MCFD2: variants seen among roughly 807,000 people sequenced by gnomAD.
The protein encoded by MCFD2 is multiple coagulation factor deficiency 2, ER cargo receptor complex subunit, also known as multiple coagulation factor deficiency protein 2.
Under a neutral mutation model 12.8 loss-of-function variants are expected in MCFD2, and 11 were observed. The ratio of observed to expected loss-of-function variants is 0.86; its 90% CI spans 0.54 to 1.42. MCFD2 has a LOEUF of 1.42. Ranked by LOEUF, MCFD2 falls within the 40% of genes most tolerant of loss-of-function variation. MCFD2 has a pLI of 0.00. For missense variants in MCFD2, 191 were observed against 178.6 expected, an observed-to-expected ratio of 1.07 and a Z score of -0.40; for synonymous variants, 70 against 68.1, an observed-to-expected ratio of 1.03 and a Z score of -0.14.
Position 46,941,078 on chromosome 2 carries a change from G to T in MCFD2, c.-8+494C>A. 1 of 150,402 alleles carries T rather than the reference G, an allele frequency of 6.6e-6. No homozygotes were observed. The highest frequency in any genetic ancestry group is 1.8e-4 in the South Asian group (1 of 5,510). The allele number at this position is 150,402 out of a possible 1,614,324, so 9.3% of individuals were successfully genotyped here. ...GGGGGGCGGGTACCCGGGCGGCCGC[G>T]AGCGCCCTTCGCGCGCCTGGCTGCT... On this transcript the variant is annotated intron_variant, in intron 1 of 2. Transcript: ENST00000409147. The surrounding 1 kb of genome is among the most constrained non-coding windows in gnomAD (Gnocchi z 4.2).
rs1670228957 is a variant in MCFD2, at chr2:46,940,409, C to T, written c.-8+1163G>A. On this transcript the variant is annotated intron_variant, in intron 1 of 2. Coordinates refer to the MCFD2 transcript ENST00000409147. This position sits in a 1 kb window ranked among gnomAD's most constrained non-coding sequence, Gnocchi z 4.7. ...AGCTGCGGCGGCAGCGGGGCCGGGCCCCTGTAAGAGGTCTCCCCCCAAGGG... is the reference window on the plus strand; with the variant it reads ...AGCTGCGGCGGCAGCGGGGCCGGGCTCCTGTAAGAGGTCTCCCCCCAAGGG... 6.6e-6 allele frequency among the ~76,000 whole-genome samples: 1 copy of T among 152,104 alleles called. No homozygotes were observed. The highest frequency in any genetic ancestry group is 2.4e-5 in the African/African-American group (1 of 41,424).
In MCFD2 at chr2:46,903,727, A is replaced by T. The variant is rs1668103599; in HGVS notation, c.*1736T>A. 6.6e-6 allele frequency: 1 copy of T among 152,208 alleles called. No homozygotes were observed. Among genetic ancestry groups the T allele is most frequent in the African/African-American group, 2.4e-5 (1 of 41,442 alleles). The allele number at this position is 152,208 out of a possible 1,614,324, so 9.4% of individuals were successfully genotyped here. On this transcript the variant is annotated 3_prime_UTR_variant, in exon 4 of 4. Transcript: ENST00000319466. ...AGGTTAACTAGCGGAAGAAATTTCT[A>T]AGCAGCAAAGTGTTCAACAGGTGAC...
chr2:46,927,957 G>A (rs534139411), intron 1 of MCFD2, among the ~76,000 whole-genome samples: 10 of 135,828 alleles, frequency 7.4e-5, no homozygotes, highest in East Asian at 2.1e-4. Flanking sequence ...ATAGTGGCAC[G>A]GTCATGGCTC....
Position 46,908,755 on chromosome 2 carries a change from G to T in MCFD2, c.149+268C>A. On this transcript the variant is annotated intron_variant, in intron 2 of 3. Coordinates refer to ENST00000319466, the MANE Select transcript of MCFD2 (RefSeq NM_139279.6). The surrounding 1 kb of genome is among the most constrained non-coding windows in gnomAD (Gnocchi z 4.5). ...CCTGTGTGTCTATTTGTATGTGTGTGTGTCTGTCTGTGGTGAAAAAAAGGA... is the reference window on the plus strand; with the variant it reads ...CCTGTGTGTCTATTTGTATGTGTGTTTGTCTGTCTGTGGTGAAAAAAAGGA... The T allele has an allele frequency of 1.9e-6, 1 of 513,912 alleles. No homozygotes were observed. The highest frequency in any genetic ancestry group is 3.5e-6 in the Non-Finnish European group (1 of 282,712). The allele number at this position is 513,912 out of a possible 1,614,324, so 31.8% of individuals were successfully genotyped here.
At chr2:46,913,777 G>A (rs891893656) in intron 1 of MCFD2, 2 of 152,842 alleles carry the variant, frequency 1.3e-5, no homozygotes, top group East Asian at 1.9e-4. Flanking sequence ...GCGCCTCCCA[G>A]TGCCTTGGCT....
intron 1 of MCFD2, among the ~76,000 whole-genome samples, chr2:46,934,578 A>G (rs1669870517): frequency 6.6e-6 from 1 of 151,926 alleles, no homozygotes; most frequent in South Asian, 2.1e-4. Flanking sequence ...CCGGCCTGTG[A>G]CTTTTCAATA....
At chr2:46,906,071 T>C (rs1294258769) in intron 3 of MCFD2, 10 of 464,150 alleles carry the variant, frequency 2.2e-5, no homozygotes, top group East Asian at 7.0e-5. Flanking sequence ...GAACCTGTTA[T>C]GATCTTTGAG....
chr2:46,919,211 A>G (rs868140911), upstream of MCFD2, among the ~76,000 whole-genome samples: 5 of 152,372 alleles, frequency 3.3e-5, no homozygotes, highest in Admixed American at 1.3e-4. Context: ...GGAAAAATAA[A>G]TAGAAAAATA....
At chr2:46,921,976 CT>C (rs1164893272) in intron 1 of MCFD2, among the ~76,000 whole-genome samples, 1 of 152,156 alleles carries the variant, frequency 6.6e-6, no homozygotes, top group Non-Finnish European at 1.5e-5. Flanking sequence ...GTGAGGGCCC[CT>C]GTAAGAAATA....
chr2:46,929,928 CA>C (rs1302580420), intron 1 of MCFD2, among the ~76,000 whole-genome samples: 1 of 152,126 alleles, frequency 6.6e-6, no homozygotes, highest in Non-Finnish European at 1.5e-5. Context: ...TGATAATTGT[CA>C]ATGTTTTAGA....
At chr2:46,919,188 A>G (rs376693443), upstream of MCFD2, among the ~76,000 whole-genome samples, 137 of 152,362 alleles carry the variant, frequency 9.0e-4, no homozygotes, top group African/African-American at 3.1e-3. Context: ...TGTAAACTAC[A>G]TATTACTTAT....
intron 1 of MCFD2, among the ~76,000 whole-genome samples, chr2:46,927,334 A>C (rs1669438422): frequency 6.6e-6 from 1 of 151,822 alleles, no homozygotes; most frequent in African/African-American, 2.4e-5. Context: ...AAATAATATT[A>C]AAGATAGAGG....
In MCFD2 at chr2:46,922,503, G is replaced by A. The variant is rs117669745; in HGVS notation, c.-7-14534C>T. Among the ~76,000 whole-genome samples, 38 of 152,020 alleles carry A rather than the reference G, an allele frequency of 2.5e-4. No homozygotes were observed. In the East Asian group the frequency reaches 5.6e-3, roughly 22 times the overall value. Reference sequence around the variant, plus strand: ...TAGACTAAACTCCAGACCTGAGTGCGGGCAGAGTGTAATTATAAATGCTCA... The same window carrying A: ...TAGACTAAACTCCAGACCTGAGTGCAGGCAGAGTGTAATTATAAATGCTCA... On this transcript the variant is annotated intron_variant, in intron 1 of 2. Transcript: ENST00000409147.
intron 1 of MCFD2, 45 bp downstream of exon 1, chr2:46,915,678 G>T: frequency 2.6e-6 from 2 of 778,530 alleles, no homozygotes; most frequent in Non-Finnish European, 3.1e-6. Context: ...CACAGGAGAG[G>T]CGCCGGGATC....
At chr2:46,932,518 CT>C (rs1052936364) in intron 1 of MCFD2, among the ~76,000 whole-genome samples, 3 of 152,062 alleles carry the variant, frequency 2.0e-5, no homozygotes, top group Non-Finnish European at 4.4e-5. Flanking sequence ...CATCTATGCA[CT>C]TTCTTTTGTG....
At position 46,909,023 on chromosome 2, in the gene MCFD2, T is replaced by C. The variant is rs369431266; in HGVS notation, c.149A>G (p.Glu50Gly). 2.2e-5 allele frequency: 35 copies of C among 1,614,036 alleles called. No homozygotes were observed. In the African/African-American group the frequency reaches 2.3e-4, roughly 10 times the overall value. ...GLDKNTVHDQ[E>G]HIMEHLEGVI... ...ACCACAGCCCGGGCTGAATACGTAC[T>C]CTTGGTCGTGCACTGTGTTCTTATC... is the stretch of plus-strand genomic sequence containing the variant. Residue 50 changes from glutamate (E) to glycine (G), a missense_variant and splice_region_variant, in exon 2 of 4, where the codon GAG (glutamate) becomes GGG (glycine). Glu to Gly is a moderately conservative substitution (Grantham distance 98). Coordinates refer to ENST00000319466, the MANE Select transcript of MCFD2 (RefSeq NM_139279.6).
Position 46,907,938 on chromosome 2 carries a change from T to C in MCFD2, c.181A>G (p.Asn61Asp). The change falls in exon 3 of 4, where the codon AAC becomes GAC. Residue 61 changes from asparagine to aspartate, a missense_variant. Transcript: ENST00000319466. This position sits in a 1 kb window ranked among gnomAD's most constrained non-coding sequence, Gnocchi z 4.1. ...HIMEHLEGVI[N>D]KPEAEMSPQE... ...GGCGACATCTCCGCCTCTGGTTTGT[T>C]GATGACACCTTCTAGATGCTCCATG... The C allele has an allele frequency of 6.2e-7, 1 of 1,614,218 alleles. No individual in the cohort carries two copies. The highest frequency in any genetic ancestry group is 8.5e-7 in the Non-Finnish European group (1 of 1,180,044).
In MCFD2 at chr2:46,908,720, T is replaced by G; in HGVS notation, c.149+303A>C. On this transcript the variant is annotated intron_variant, in intron 2 of 3. Coordinates refer to ENST00000319466, the MANE Select transcript of MCFD2 (RefSeq NM_139279.6). This position sits in a 1 kb window ranked among gnomAD's most constrained non-coding sequence, Gnocchi z 4.5. ...TTTCTGGATTCTGCTACTATGACTG[T>G]GTATGTGTACCTGTGTGTCTATTTG... 3 of 452,446 alleles carry G rather than the reference T, an allele frequency of 6.6e-6. No homozygotes were observed. The highest frequency in any genetic ancestry group is 6.5e-5 in the South Asian group (3 of 46,124). The allele number at this position is 452,446 out of a possible 1,614,324, so 28.0% of individuals were successfully genotyped here. A position where few individuals can be genotyped will look rare whatever the true frequency, so the allele number is the denominator to read the frequency against.
intron 1 of MCFD2, among the ~76,000 whole-genome samples, chr2:46,913,110 G>A (rs1009013856): frequency 2.0e-5 from 3 of 152,172 alleles, no homozygotes; most frequent in Non-Finnish European, 4.4e-5. Context: ...CCTTCTTTAA[G>A]GGAGGTGGGA....
Sources: allele counts gnomAD v4.1 joint callset (sites outside exome capture counted in the v4.1 genomes callset), GRCh38; gene constraint gnomAD v4.1.1; non-coding constraint Gnocchi (gnomAD v3.1); transcripts MANE v1.5; gene names NCBI Gene and HGNC (gene_info 2026-07-23, HGNC 2026-07-21).